The following NAF1 variants were observed in gnomAD, a reference collection of about 807,000 sequenced individuals.
The protein encoded by NAF1 is H/ACA ribonucleoprotein complex non-core subunit NAF1.
Under a neutral mutation model 40.6 loss-of-function variants are expected in NAF1, and 11 were observed. That is an observed-to-expected ratio of 0.27 (90% CI 0.17 to 0.45). The LOEUF is 0.45. Ranked by LOEUF, NAF1 falls within the 20% of genes least tolerant of loss-of-function variation. The probability of loss-of-function intolerance (pLI) is 1.00; values close to 1 mark genes in which losing one functional copy is unlikely to be tolerated. For synonymous variants in NAF1, 260 were observed against 228.5 expected, an observed-to-expected ratio of 1.14 and a Z score of -1.24; for missense variants, 607 against 611.1, an observed-to-expected ratio of 0.99 and a Z score of 0.07.
downstream of NAF1, among the ~76,000 whole-genome samples, chr4:163,123,912 T>C (rs1224279171): frequency 1.3e-5 from 2 of 152,212 alleles, no homozygotes; most frequent in Non-Finnish European, 2.9e-5. Context: ...TTTAAAGATC[T>C]AGGGACACAA....
chr4:163,166,528 A>G lies in NAF1; in HGVS notation c.200T>C (p.Leu67Pro), dbSNP rs941830375. Residue 67 changes from leucine (L) to proline (P), a missense_variant, in exon 1 of 8, where the codon CTG becomes CCG. By Grantham distance (98) the Leu-to-Pro change is moderately conservative. This residue lies in a region of NAF1 where 407 missense variants were observed against 365.5 expected (regional missense o/e 1.11). Transcript: ENST00000274054. The stretch of plus-strand genomic sequence containing the variant: ...CGCGACGGCGTTCAGAACGGGCTGC[A>G]GAGGCTGCTCCCCGGCAGGCTTAAC... ...VEVKPAGEQP[L>P]QPVLNAVAAG... 1 of 1,594,842 alleles carries G rather than the reference A, an allele frequency of 6.3e-7. No individual in the cohort carries two copies. The highest frequency in any genetic ancestry group is 8.5e-7 in the Non-Finnish European group (1 of 1,171,058).
At chr4:163,159,069 TGAGG>T (rs1732111866) in intron 2 of NAF1, among the ~76,000 whole-genome samples, 1 of 152,114 alleles carries the variant, frequency 6.6e-6, no homozygotes, top group Non-Finnish European at 1.5e-5. Context: ...TAGAAACTAC[TGAGG>T]AATGGGGGAA....
At chr4:163,165,429 T>C (rs1207518218) in intron 1 of NAF1, among the ~76,000 whole-genome samples, 1 of 152,196 alleles carries the variant, frequency 6.6e-6, no homozygotes, top group African/African-American at 2.4e-5. Flanking sequence ...TTACTTTTCT[T>C]TGCTAGTAAA....
intron 2 of NAF1, among the ~76,000 whole-genome samples, chr4:163,115,203 T>TA: frequency 1.0e-5 from 1 of 98,410 alleles, no homozygotes; most frequent in Admixed American, 9.6e-5. Context: ...ACAATAATTT[T>TA]TTTATTTATT....
At chr4:163,161,360 T>C in intron 2 of NAF1, among the ~76,000 whole-genome samples, 1 of 151,890 alleles carries the variant, frequency 6.6e-6, no homozygotes, top group East Asian at 1.9e-4. Flanking sequence ...GTAATTCCAG[T>C]TACTTGGGAG....
downstream of NAF1, chr4:163,128,642 T>C (rs1210897318): frequency 1.5e-6 from 1 of 651,354 alleles, no homozygotes; most frequent in Admixed American, 5.3e-5. Context: ...TGGGTGGGGT[T>C]GGGAGGGAGA....
intron 4 of NAF1, among the ~76,000 whole-genome samples, chr4:163,144,871 A>G (rs1000524031): frequency 3.3e-5 from 5 of 152,230 alleles, no homozygotes; most frequent in Non-Finnish European, 7.3e-5. Context: ...GTTTTAATTT[A>G]GCAAAGTGTT....
chr4:163,163,369 CTTTAA>C (rs1006605518), intron 2 of NAF1, among the ~76,000 whole-genome samples: 3 of 152,022 alleles, frequency 2.0e-5, no homozygotes, highest in Non-Finnish European at 2.9e-5. Context: ...TGCCTGTAGG[CTTTAA>C]TTTATTTTTT....
intron 2 of NAF1, among the ~76,000 whole-genome samples, chr4:163,149,466 A>C (rs1203337383): frequency 6.6e-6 from 1 of 152,210 alleles, no homozygotes; most frequent in Non-Finnish European, 1.5e-5. Context: ...GTTGATAAGC[A>C]GACATCTAAA....
At chr4:163,137,685 T>A (rs1319703669) in intron 5 of NAF1, among the ~76,000 whole-genome samples, 2 of 152,064 alleles carry the variant, frequency 1.3e-5, no homozygotes, top group South Asian at 4.1e-4. Context: ...ATGGCAGAGA[T>A]ATCAATATGA....
intron 4 of NAF1, chr4:163,143,948 T>C: frequency 2.6e-6 from 2 of 766,286 alleles, no homozygotes; most frequent in Non-Finnish European, 3.2e-6. Context: ...TTTCAATCAC[T>C]GTGTGTATTA....
intron 2 of NAF1, among the ~76,000 whole-genome samples, chr4:163,120,287 A>C (rs1194721471): frequency 6.6e-6 from 1 of 152,262 alleles, no homozygotes; most frequent in Non-Finnish European, 1.5e-5. Flanking sequence ...AGAACATTTT[A>C]GAAGTTCATC....
downstream of NAF1, among the ~76,000 whole-genome samples, chr4:163,121,994 C>G (rs952963512): frequency 6.6e-6 from 1 of 152,074 alleles, no homozygotes; most frequent in Non-Finnish European, 1.5e-5. Flanking sequence ...AGAACTAGTA[C>G]GAAGCATTGA....
chr4:163,162,917 G>A (rs1732284950), intron 2 of NAF1, among the ~76,000 whole-genome samples: 1 of 152,114 alleles, frequency 6.6e-6, no homozygotes, highest in Non-Finnish European at 1.5e-5. Context: ...GATGAAAACA[G>A]GGACATTCTG....
At chr4:163,137,485 C>A (rs980029696) in intron 5 of NAF1, among the ~76,000 whole-genome samples, 46 of 152,032 alleles carry the variant, frequency 3.0e-4, no homozygotes, top group African/African-American at 1.1e-3. Flanking sequence ...GAAGCCAAGG[C>A]TATGGTGTGC....
At chr4:163,136,224 T>G (rs1456263207) in intron 6 of NAF1, 2 of 152,002 alleles carry the variant, frequency 1.3e-5, no homozygotes, top group Non-Finnish European at 2.9e-5. Flanking sequence ...ATCCCAGCAC[T>G]TTGGGGAGCC....
intron 2 of NAF1, among the ~76,000 whole-genome samples, chr4:163,114,518 GATGA>G (rs1433825684): frequency 6.6e-6 from 1 of 152,202 alleles, no homozygotes; most frequent in Non-Finnish European, 1.5e-5. Flanking sequence ...CTGTTCATGT[GATGA>G]ATAATGATGG....
chr4:163,129,174 G>C lies in NAF1; in HGVS notation c.1208C>G (p.Ser403Cys), dbSNP rs1286294081. 1.1e-5 allele frequency: 18 copies of C among 1,613,818 alleles called. No homozygotes were observed. The highest frequency in any genetic ancestry group is 1.5e-5 in the Non-Finnish European group (18 of 1,179,798). The stretch of plus-strand genomic sequence containing the variant: ...AGAAGGAAATCCTGAAGTCTCCTGA[G>C]ATACCATATGTTCTGAGTTATAGAA... ...QHFYNSEHMV[S>C]QETSGFPSQR... is the part of the protein sequence containing the mutation. Residue 403 changes from serine to cysteine, a missense_variant, in exon 8 of 8, where the codon TCT becomes TGT. Physicochemically the swap from Ser to Cys is moderately radical, Grantham distance 112. This residue lies in a region of NAF1 where 189 missense variants were observed against 216.6 expected (regional missense o/e 0.87). Coordinates refer to ENST00000274054, the MANE Select transcript of NAF1 (RefSeq NM_138386.3).
chr4:163,122,694 A>T (rs1730549042), downstream of NAF1, among the ~76,000 whole-genome samples: 1 of 152,188 alleles, frequency 6.6e-6, no homozygotes. Context: ...TTAACAGGTG[A>T]GTAGACCATG....
Sources: allele counts gnomAD v4.1 joint callset (sites outside exome capture counted in the v4.1 genomes callset), GRCh38; gene constraint gnomAD v4.1.1; regional missense constraint gnomAD v4.1.1; transcripts MANE v1.5; gene names NCBI Gene and HGNC (gene_info 2026-07-23, HGNC 2026-07-21).